Variants in ASIC2 observed in about 807,000 individuals in gnomAD.
The protein encoded by ASIC2 is acid sensing ion channel subunit 2.
ASIC2 carries 25 observed loss-of-function variants against 57.3 expected under a neutral mutation model. That is an observed-to-expected ratio of 0.44 (90% CI 0.32 to 0.61). ASIC2 has a LOEUF of 0.61. Ranked by LOEUF, ASIC2 falls within the 20% of genes least tolerant of loss-of-function variation. The pLI is 0.06. For synonymous variants in ASIC2, 319 were observed against 307.5 expected (o/e 1.04, Z -0.39); for missense variants, 641 against 738.1 (o/e 0.87, Z 1.52).
At position 33,643,029 on chromosome 17, in the gene ASIC2, C is replaced by A. The variant is rs553321448; in HGVS notation, c.555+512949G>T. On this transcript the variant is annotated intron_variant, in intron 1 of 9. Transcript: ENST00000359872. ...GTAGATACTCCAGTAAGTTTTTCTA[C>A]TTCAAAGAATGGAGGTTTTCAAACT... 5.8e-4 allele frequency among the ~76,000 whole-genome samples: 88 copies of A among 152,324 alleles called. 1 individual carries two copies. Among genetic ancestry groups the A allele is most frequent in the Admixed American group, 1.1e-3 (17 of 15,304 alleles).
Position 33,089,509 on chromosome 17 carries a change from G to C in ASIC2, c.860-519C>G, listed in dbSNP as rs980257498. On this transcript the variant is annotated intron_variant, in intron 2 of 9. Transcript: ENST00000225823. ...CTGACCTCCAGAATTTTAAGATAAC[G>C]AATTTGTGTTGTTTTCAGCCACTAA... Among the ~76,000 whole-genome samples, 11 of 152,298 alleles carry C rather than the reference G, an allele frequency of 7.2e-5. No homozygotes were observed. In the South Asian group the frequency reaches 2.3e-3, roughly 32 times the overall value.
At chr17:33,018,664 T>C (rs905693351) in intron 7 of ASIC2, among the ~76,000 whole-genome samples, 4 of 152,130 alleles carry the variant, frequency 2.6e-5, no homozygotes, top group Admixed American at 2.6e-4. Context: ...CACCAGCTGG[T>C]TGTGTGGCTT....
At chr17:34,086,798 CTTCT>C (rs1276015824) in intron 1 of ASIC2, among the ~76,000 whole-genome samples, 11 of 152,152 alleles carry the variant, frequency 7.2e-5, no homozygotes, top group Admixed American at 1.3e-4. Context: ...ATGTAATGGC[CTTCT>C]TTGTCTCTTT....
chr17:33,314,786 G>T (rs1272296206), intron 1 of ASIC2, among the ~76,000 whole-genome samples: 1 of 152,172 alleles, frequency 6.6e-6, no homozygotes, highest in Non-Finnish European at 1.5e-5. Flanking sequence ...TTTATGCTTT[G>T]AAAGCACTTA....
At chr17:33,221,520 T>C (rs144491714) in intron 1 of ASIC2, among the ~76,000 whole-genome samples, 40 of 152,228 alleles carry the variant, frequency 2.6e-4, no homozygotes, top group Non-Finnish European at 5.4e-4. Flanking sequence ...GTGTAAAGAT[T>C]TTAGGCTTCT....
chr17:33,287,801 T>C (rs537299258), intron 1 of ASIC2, among the ~76,000 whole-genome samples: 1 of 152,344 alleles, frequency 6.6e-6, no homozygotes, highest in Admixed American at 6.5e-5. Flanking sequence ...TCTCACCTGT[T>C]GCTCTAGTCC....
At chr17:33,356,538 C>T (rs1327138268) in intron 1 of ASIC2, among the ~76,000 whole-genome samples, 1 of 152,142 alleles carries the variant, frequency 6.6e-6, no homozygotes, top group Non-Finnish European at 1.5e-5. Flanking sequence ...GGCTGGTCTC[C>T]ACCATAATTA....
intron 1 of ASIC2, among the ~76,000 whole-genome samples, chr17:33,600,027 C>G (rs1174082254): frequency 2.6e-5 from 4 of 152,174 alleles, no homozygotes; most frequent in African/African-American, 9.7e-5. Context: ...CCATCTTGTC[C>G]AAGCCCCATC....
At chr17:34,080,831 G>A (rs1909851246) in intron 1 of ASIC2, 1 of 152,164 alleles carries the variant, frequency 6.6e-6, no homozygotes, top group Non-Finnish European at 1.5e-5. Flanking sequence ...GCCAGGCCAG[G>A]GCTTATTCAG....
chr17:33,884,907 T>C (rs1371828726), intron 1 of ASIC2, among the ~76,000 whole-genome samples: 1 of 152,204 alleles, frequency 6.6e-6, no homozygotes. Flanking sequence ...GCATTATCAT[T>C]ACTTGGGGAG....
intron 1 of ASIC2, among the ~76,000 whole-genome samples, chr17:33,321,156 G>A (rs1906853321): frequency 6.6e-6 from 1 of 152,148 alleles, no homozygotes; most frequent in Admixed American, 6.5e-5. Context: ...GTGCTTGTAT[G>A]TCTGTATCTC....
chr17:33,416,813 C>G (rs373923941), intron 1 of ASIC2, among the ~76,000 whole-genome samples: 1 of 152,146 alleles, frequency 6.6e-6, no homozygotes, highest in Non-Finnish European at 1.5e-5. Flanking sequence ...AAATAGGTGG[C>G]GCTGCCAAGA....
At chr17:34,120,950 G>A (rs905132110) in intron 1 of ASIC2, among the ~76,000 whole-genome samples, 2 of 151,882 alleles carry the variant, frequency 1.3e-5, no homozygotes, top group African/African-American at 4.8e-5. Flanking sequence ...ATGTTCCCCA[G>A]GCTAGCCTTG....
intron 3 of ASIC2, among the ~76,000 whole-genome samples, chr17:33,040,124 G>A (rs1204812987): frequency 2.0e-5 from 3 of 152,204 alleles, no homozygotes; most frequent in Non-Finnish European, 4.4e-5. Flanking sequence ...GTGAATAAAC[G>A]GCAGCCATGG....
intron 1 of ASIC2, among the ~76,000 whole-genome samples, chr17:33,740,961 C>A (rs1910093823): frequency 6.6e-6 from 1 of 152,182 alleles, no homozygotes; most frequent in Non-Finnish European, 1.5e-5. Context: ...GAATTTAGAT[C>A]CCTTCAACAC....
chr17:33,055,369 G>A (rs946354190), intron 3 of ASIC2, among the ~76,000 whole-genome samples: 4 of 152,088 alleles, frequency 2.6e-5, no homozygotes, highest in African/African-American at 4.8e-5. Flanking sequence ...AGGACTCCTC[G>A]TTCCTCAACT....
At position 33,817,766 on chromosome 17, in the gene ASIC2, A is replaced by G. The variant is rs1912630369; in HGVS notation, c.555+338212T>C. Reference sequence around the variant, plus strand: ...TATTTATTTTCCTAAAGAACCCACGATTTGGGCAGGGCTCAGCAGGGACAG... The same window carrying G: ...TATTTATTTTCCTAAAGAACCCACGGTTTGGGCAGGGCTCAGCAGGGACAG... On this transcript the variant is annotated intron_variant, in intron 1 of 9. Transcript: ENST00000359872. 2.0e-5 allele frequency among the ~76,000 whole-genome samples: 3 copies of G among 152,268 alleles called. No homozygotes were observed. The South Asian group carries it at 6.2e-4, about 32-fold the overall frequency.
chr17:33,780,584 T>G (rs1249661195), intron 1 of ASIC2, among the ~76,000 whole-genome samples: 1 of 152,218 alleles, frequency 6.6e-6, no homozygotes, highest in Non-Finnish European at 1.5e-5. Context: ...CCAGTCAATT[T>G]CTTGGATGAG....
chr17:33,315,498 G>A (rs1264287099), intron 1 of ASIC2, among the ~76,000 whole-genome samples: 1 of 152,198 alleles, frequency 6.6e-6, no homozygotes. Flanking sequence ...GAAGCTCAAA[G>A]ATGGGAAAGT....
Sources: gnomAD v4.1 joint callset for allele counts (sites outside exome capture counted in the v4.1 genomes callset) on GRCh38, gnomAD v4.1.1 for gene constraint, MANE v1.5 for transcripts, NCBI Gene and HGNC (gene_info 2026-07-23, HGNC 2026-07-21) for gene names.